SOX5: variants seen among roughly 807,000 people sequenced by gnomAD.
SOX5 encodes the protein SRY-box transcription factor 5, also known as transcription factor SOX-5.
In SOX5, 9 loss-of-function variants were observed where a neutral mutation model predicts 92.0. The ratio of observed to expected loss-of-function variants is 0.10; its 90% CI spans 0.06 to 0.17. The LOEUF (loss-of-function observed/expected upper bound fraction) is 0.17. SOX5 is among the 10% of genes least tolerant of loss of function. The pLI, the probability that SOX5 is intolerant of heterozygous loss-of-function variation, is 1.00. For missense variants in SOX5, 642 were observed against 944.5 expected (o/e 0.68, Z 4.20); for synonymous variants, 344 against 336.3 (o/e 1.02, Z -0.25).
intron 4 of SOX5, among the ~76,000 whole-genome samples, chr12:24,073,305 A>C (rs1276726916): frequency 6.6e-6 from 1 of 152,222 alleles, no homozygotes; most frequent in Non-Finnish European, 1.5e-5. Flanking sequence ...CATCTTGTAA[A>C]AGAATAACCA....
intron 2 of SOX5, among the ~76,000 whole-genome samples, chr12:24,284,475 T>G (rs994912819): frequency 7.2e-5 from 11 of 152,036 alleles, no homozygotes; most frequent in African/African-American, 2.7e-4. Flanking sequence ...ATTTAACTTT[T>G]TAAACATTTA....
chr12:23,690,432 C>T (rs898161528), intron 6 of SOX5, among the ~76,000 whole-genome samples: 2 of 152,052 alleles, frequency 1.3e-5, no homozygotes, highest in Non-Finnish European at 2.9e-5. Flanking sequence ...CATTGTTAGA[C>T]ACACATTACA....
intron 4 of SOX5, among the ~76,000 whole-genome samples, chr12:24,050,310 A>T (rs1461922148): frequency 5.3e-5 from 8 of 152,246 alleles, no homozygotes; most frequent in African/African-American, 1.9e-4. Flanking sequence ...CAGGTGTATA[A>T]TTTCTTCAAT....
intron 3 of SOX5, among the ~76,000 whole-genome samples, chr12:23,845,170 G>A (rs1594984084): frequency 6.6e-6 from 1 of 152,172 alleles, no homozygotes; most frequent in Non-Finnish European, 1.5e-5. Context: ...TTGTTATAAA[G>A]TATGTCTGCA....
intron 4 of SOX5, among the ~76,000 whole-genome samples, chr12:23,755,378 T>G (rs1269880287): frequency 6.6e-6 from 1 of 151,830 alleles, no homozygotes; most frequent in African/African-American, 2.4e-5. Context: ...TTAATTTTAA[T>G]GATGAAAATC....
intron 4 of SOX5, among the ~76,000 whole-genome samples, chr12:24,089,655 T>G (rs550008884): frequency 6.6e-5 from 10 of 152,298 alleles, no homozygotes; most frequent in South Asian, 2.1e-4. Flanking sequence ...CCAAACAGCA[T>G]ATGACAAAGA....
intron 4 of SOX5, among the ~76,000 whole-genome samples, chr12:23,964,122 G>A (rs569710809): frequency 5.9e-5 from 9 of 151,986 alleles, no homozygotes; most frequent in Admixed American, 1.3e-4. Context: ...GTTTGATAGC[G>A]TCACACCAAA....
At chr12:24,031,861 C>A (rs1435029969) in intron 4 of SOX5, among the ~76,000 whole-genome samples, 1 of 151,534 alleles carries the variant, frequency 6.6e-6, no homozygotes, top group East Asian at 1.9e-4. Flanking sequence ...GTTCTATGGT[C>A]CCAAATGCAA....
At chr12:24,311,085 G>A (rs1006748499) in intron 2 of SOX5, among the ~76,000 whole-genome samples, 3 of 152,160 alleles carry the variant, frequency 2.0e-5, no homozygotes, top group African/African-American at 7.2e-5. Flanking sequence ...TATCTCACCT[G>A]AAAGTTCATA....
At chr12:23,881,451 A>G (rs2096988781) in intron 2 of SOX5, among the ~76,000 whole-genome samples, 1 of 152,168 alleles carries the variant, frequency 6.6e-6, no homozygotes, top group Non-Finnish European at 1.5e-5. Flanking sequence ...GACAAGGGAC[A>G]TACAATACAC....
chr12:23,636,227 C>G (rs1233933323), intron 8 of SOX5, among the ~76,000 whole-genome samples: 1 of 152,058 alleles, frequency 6.6e-6, no homozygotes, highest in Admixed American at 6.6e-5. Flanking sequence ...TATACATGAA[C>G]TAGATTAAGC....
At chr12:24,352,219 T>G (rs1294513324) in intron 2 of SOX5, among the ~76,000 whole-genome samples, 1 of 152,258 alleles carries the variant, frequency 6.6e-6, no homozygotes, top group African/African-American at 2.4e-5. Context: ...ATTCTAACTA[T>G]GCTACTGACT....
chr12:24,321,988 G>C (rs1950246752), intron 2 of SOX5, among the ~76,000 whole-genome samples: 2 of 152,042 alleles, frequency 1.3e-5, no homozygotes. Context: ...CTTCCCACCA[G>C]ACTATAAATG....
intron 1 of SOX5, among the ~76,000 whole-genome samples, chr12:24,553,285 C>T (rs956046521): frequency 6.6e-6 from 1 of 152,178 alleles, no homozygotes; most frequent in African/African-American, 2.4e-5. Context: ...GGGCAAGTCA[C>T]TTGACCACTG....
chr12:24,192,825 T>C (rs1956654932), intron 4 of SOX5, among the ~76,000 whole-genome samples: 1 of 152,164 alleles, frequency 6.6e-6, no homozygotes, highest in South Asian at 2.1e-4. Context: ...CTCCAGCCTC[T>C]TCCCCCAGGT....
At chr12:24,497,444 G>A (rs1452478542) in intron 1 of SOX5, among the ~76,000 whole-genome samples, 11 of 152,202 alleles carry the variant, frequency 7.2e-5, no homozygotes, top group Admixed American at 7.2e-4. Flanking sequence ...ACAGCGAGGT[G>A]TAGAGGGTCT....
intron 4 of SOX5, among the ~76,000 whole-genome samples, chr12:24,000,059 A>G (rs1470440127): frequency 1.3e-5 from 2 of 151,580 alleles, no homozygotes; most frequent in African/African-American, 4.8e-5. Context: ...CTCATAGCAT[A>G]TGAAGATGTC....
intron 1 of SOX5, among the ~76,000 whole-genome samples, chr12:23,943,507 A>G (rs1274068312): frequency 1.3e-5 from 2 of 152,122 alleles, no homozygotes; most frequent in Non-Finnish European, 2.9e-5. Context: ...TGATCATCAG[A>G]TACATTTATA....
intron 11 of SOX5, among the ~76,000 whole-genome samples, chr12:23,547,449 T>C (rs1055715317): frequency 5.3e-5 from 8 of 152,140 alleles, no homozygotes; most frequent in African/African-American, 7.2e-5. Context: ...AGAACTGCTA[T>C]TGACACAATA....
Sources: gnomAD v4.1 joint callset for allele counts (sites outside exome capture counted in the v4.1 genomes callset) on GRCh38, gnomAD v4.1.1 for gene constraint, MANE v1.5 for transcripts, NCBI Gene and HGNC (gene_info 2026-07-23, HGNC 2026-07-21) for gene names.